The following TSPEAR variants were observed in gnomAD, a reference collection of about 807,000 sequenced individuals.
The protein encoded by TSPEAR is thrombospondin-type laminin G domain and EAR repeat-containing protein.
In TSPEAR, 69 loss-of-function variants were observed where a neutral mutation model predicts 71.6. That is an observed-to-expected ratio of 0.96 (90% CI 0.79 to 1.18). The LOEUF is 1.18. TSPEAR is among the 50% of genes most tolerant of loss of function. TSPEAR has a pLI of 0.00. For synonymous variants in TSPEAR, 402 were observed against 387.2 expected (o/e 1.04, Z -0.45); for missense variants, 971 against 894.9 (o/e 1.09, Z -1.09).
In TSPEAR at chr21:44,531,178, A is replaced by G. The variant is rs11910479; in HGVS notation, c.543-45T>C. The G allele has an allele frequency of 8.7e-3, 12,993 of 1,486,416 alleles. 912 individuals are homozygous for G. The African/African-American group carries it at 0.15, about 18-fold the overall frequency. The allele number at this position is 1,486,416 out of a possible 1,614,324, so 92.1% of individuals were successfully genotyped here. A position where few individuals can be genotyped will look rare whatever the true frequency, so the allele number is the denominator to read the frequency against. On this transcript the variant is annotated intron_variant, in intron 3 of 11. Coordinates refer to ENST00000323084, the MANE Select transcript of TSPEAR (RefSeq NM_144991.3). ...GTGTTAGGGCCATAGGAGAGTGGTCACCCCAGTTTACTCACAGAAGGAACA... is the reference window on the plus strand; with the variant it reads ...GTGTTAGGGCCATAGGAGAGTGGTCGCCCCAGTTTACTCACAGAAGGAACA...
chr21:44,524,809 TAG>T (rs1187988224), intron 8 of TSPEAR, among the ~76,000 whole-genome samples: 1 of 151,036 alleles, frequency 6.6e-6, no homozygotes, highest in Admixed American at 6.6e-5. Flanking sequence ...GTCATTCAGA[TAG>T]ACAGTCAGGT....
rs782165738 is a variant in TSPEAR, at chr21:44,529,860, G to A, written c.728C>T (p.Pro243Leu). Residue 243 changes from proline (P) to leucine (L), a missense_variant, in exon 5 of 12, where the codon CCA (proline) becomes CTA (leucine). Pro to Leu is a moderately conservative substitution (Grantham distance 98). Coordinates refer to ENST00000323084, the MANE Select transcript of TSPEAR (RefSeq NM_144991.3). ...RNAPLAVLSIPRVLQALTGKP... is the reference protein window; with the variant it reads ...RNAPLAVLSILRVLQALTGKP... ...CCCCGTGAGAGCCTGCAGGACCCGTGGGATGGACAGCACCGCCAGCGGGGC... is the reference window on the plus strand; with the variant it reads ...CCCCGTGAGAGCCTGCAGGACCCGTAGGATGGACAGCACCGCCAGCGGGGC... 3 of 1,613,700 alleles carry A rather than the reference G, an allele frequency of 1.9e-6. No individual in the cohort carries two copies. The highest frequency in any genetic ancestry group is 2.7e-5 in the African/African-American group (2 of 74,922).
intron 1 of TSPEAR, among the ~76,000 whole-genome samples, chr21:44,646,240 G>A (rs1736096998): frequency 6.7e-6 from 1 of 150,338 alleles, no homozygotes; most frequent in South Asian, 2.1e-4. Context: ...AGTTTAATAA[G>A]GGAAAAACAA....
intron 1 of TSPEAR, among the ~76,000 whole-genome samples, chr21:44,705,161 A>G (rs374110798): frequency 4.5e-4 from 68 of 152,260 alleles, no homozygotes; most frequent in African/African-American, 1.1e-3. Context: ...CTTTACTGCA[A>G]TCTCTAAACA....
At chr21:44,516,842 G>A (rs182169813) in intron 9 of TSPEAR, among the ~76,000 whole-genome samples, 1 of 152,070 alleles carries the variant, frequency 6.6e-6, no homozygotes, top group Admixed American at 6.5e-5. Flanking sequence ...CAAGTTTCTA[G>A]TTGTCCCCTC....
intron 1 of TSPEAR, chr21:44,677,421 G>T: frequency 1.0e-6 from 1 of 997,580 alleles, no homozygotes; most frequent in Non-Finnish European, 1.6e-6. Flanking sequence ...CGCCTGCAGA[G>T]TGACATTTGC....
rs1555915498 is a variant in TSPEAR at position 44,529,853 on chromosome 21, G to T, written c.735C>A (p.Val245=). The part of the protein sequence containing the change: ...APLAVLSIPR[V]LQALTGKPED... ...CTGGCTTCCCCGTGAGAGCCTGCAG[G>T]ACCCGTGGGATGGACAGCACCGCCA... Residue 245 remains valine, a synonymous_variant, in exon 5 of 12, where the codon GTC becomes GTA. Coordinates refer to ENST00000323084, the MANE Select transcript of TSPEAR (RefSeq NM_144991.3). 2 of 1,613,852 alleles carry T rather than the reference G, an allele frequency of 1.2e-6. No homozygotes were observed.
chr21:44,587,097 C>T (rs1199469329), intron 1 of TSPEAR, among the ~76,000 whole-genome samples: 1 of 152,218 alleles, frequency 6.6e-6, no homozygotes, highest in African/African-American at 2.4e-5. Context: ...GGAAGTCAAA[C>T]TGTCGCTGTT....
chr21:44,533,330 C>G (rs973154798), intron 3 of TSPEAR, among the ~76,000 whole-genome samples: 1 of 152,190 alleles, frequency 6.6e-6, no homozygotes, highest in Admixed American at 6.5e-5. Context: ...GAGGCTGGCG[C>G]GGACGCTGAC....
Position 44,666,297 on chromosome 21 carries a change from C to T in TSPEAR, c.82+45136G>A, listed in dbSNP as rs1465090340. On this transcript the variant is annotated intron_variant, in intron 1 of 11. Coordinates refer to ENST00000323084, the MANE Select transcript of TSPEAR (RefSeq NM_144991.3). ...AGGTCAGCAAGGGCTCCAGATCATT[C>T]TGTCACATTCTCAATCCAGAATTCA... is the stretch of plus-strand genomic sequence containing the variant. 96 of 1,009,968 alleles carry T rather than the reference C, an allele frequency of 9.5e-5. 1 individual carries two copies. The highest frequency in any genetic ancestry group is 8.9e-5 in the Non-Finnish European group (62 of 694,048). The allele number at this position is 1,009,968 out of a possible 1,614,324, so 62.6% of individuals were successfully genotyped here.
chr21:44,556,045 C>T (rs1555919722), intron 2 of TSPEAR, among the ~76,000 whole-genome samples: 1 of 152,170 alleles, frequency 6.6e-6, no homozygotes, highest in Non-Finnish European at 1.5e-5. Context: ...TTGTGAACAA[C>T]AGGGGAAGGT....
At chr21:44,558,797 G>A (rs2053591868) in intron 2 of TSPEAR, 1 of 1,518,432 alleles carries the variant, frequency 6.6e-7, no homozygotes. Flanking sequence ...GAGTGATCGT[G>A]CCAGGCCTCT....
rs114477753 is a variant in TSPEAR, at chr21:44,639,619, C to T, written c.83-71614G>A. Among the ~76,000 whole-genome samples the T allele has an allele frequency of 8.2e-3, 1,247 of 152,290 alleles. 14 individuals are homozygous for T. Among genetic ancestry groups the T allele is most frequent in the African/African-American group, 0.028 (1,168 of 41,572 alleles). ...GAGATGTTTGTCCAAAAACCTGCCC[C>T]GGTTTTTGGGGCAGCTGGCAGGGGC... is the stretch of plus-strand genomic sequence containing the variant. On this transcript the variant is annotated intron_variant, in intron 1 of 11. Transcript: ENST00000323084.
At chr21:44,638,395 T>A in intron 1 of TSPEAR, 1 of 394,470 alleles carries the variant, frequency 2.5e-6, no homozygotes, top group Non-Finnish European at 4.8e-6. Context: ...CCAGCAGGCC[T>A]GGTTCCACCC....
At chr21:44,551,940 A>G (rs1184227587) in intron 2 of TSPEAR, among the ~76,000 whole-genome samples, 1 of 152,170 alleles carries the variant, frequency 6.6e-6, no homozygotes, top group Non-Finnish European at 1.5e-5. Context: ...GTGTTGGGAA[A>G]AGACGCTTGA....
intron 1 of TSPEAR, among the ~76,000 whole-genome samples, chr21:44,620,769 T>C (rs587772347): frequency 6.6e-6 from 1 of 152,358 alleles, no homozygotes; most frequent in South Asian, 2.1e-4. Context: ...ATTTGAGATG[T>C]TTCTATTTTT....
At chr21:44,637,681 C>A in intron 1 of TSPEAR, 8 of 1,543,474 alleles carry the variant, frequency 5.2e-6, no homozygotes, top group Non-Finnish European at 7.0e-6. Context: ...GCACCTCCTC[C>A]CCCTGCCAGC....
intron 1 of TSPEAR, among the ~76,000 whole-genome samples, chr21:44,609,970 T>G (rs1282411189): frequency 6.6e-6 from 1 of 152,002 alleles, no homozygotes; most frequent in East Asian, 1.9e-4. Context: ...ATGCAAGAAA[T>G]AACAGAGCAT....
chr21:44,559,843 T>C (rs1444275726), intron 2 of TSPEAR, among the ~76,000 whole-genome samples: 1 of 152,172 alleles, frequency 6.6e-6, no homozygotes, highest in African/African-American at 2.4e-5. Context: ...GCTCTGATGA[T>C]GCTCTAGGCT....
Sources: allele counts gnomAD v4.1 joint callset (sites outside exome capture counted in the v4.1 genomes callset), GRCh38; gene constraint gnomAD v4.1.1; transcripts MANE v1.5; gene names NCBI Gene and HGNC (gene_info 2026-07-23, HGNC 2026-07-21).